Variants in ZFHX3 observed in about 807,000 individuals in gnomAD.
ZFHX3 encodes zinc finger homeobox protein 3.
In ZFHX3, 42 loss-of-function variants were observed where a neutral mutation model predicts 279.1. The ratio of observed to expected loss-of-function variants is 0.15; its 90% confidence interval spans 0.12 to 0.19. The LOEUF is 0.19. Ranked by LOEUF, ZFHX3 falls within the 10% of genes least tolerant of loss-of-function variation. ZFHX3 has a pLI of 1.00. For synonymous variants in ZFHX3, 2,293 were observed against 1,957.8 expected (o/e 1.17, Z -4.52); for missense variants, 4,981 against 4,754.0 (o/e 1.05, Z -1.40).
chr16:73,495,599 G>T (rs2019128168), intron 2 of ZFHX3, among the ~76,000 whole-genome samples: 2 of 152,144 alleles, frequency 1.3e-5, no homozygotes, highest in African/African-American at 4.8e-5. Flanking sequence ...CTTGAAAATG[G>T]CAGTTTTGCC....
chr16:73,421,400 A>C (rs2017716270), intron 3 of ZFHX3: 2 of 152,354 alleles, frequency 1.3e-5, no homozygotes, highest in South Asian at 4.1e-4. Flanking sequence ...TCCCACATTA[A>C]GGTGTGATTT....
At chr16:73,475,526 T>TC (rs1287533812) in intron 2 of ZFHX3, among the ~76,000 whole-genome samples, 1 of 152,168 alleles carries the variant, frequency 6.6e-6, no homozygotes, top group African/African-American at 2.4e-5. Context: ...AATCTTTTTT[T>TC]CATAAAGTTG....
chr16:73,700,741 G>T (rs370016646), intron 1 of ZFHX3, among the ~76,000 whole-genome samples: 10 of 152,240 alleles, frequency 6.6e-5, no homozygotes, highest in African/African-American at 1.9e-4. Flanking sequence ...AGCAATCAAG[G>T]TTCTAGGGAA....
intron 5 of ZFHX3, 66 bp downstream of exon 5, chr16:72,829,713 G>A: frequency 1.3e-6 from 2 of 1,565,644 alleles, no homozygotes; most frequent in South Asian, 1.1e-5. Flanking sequence ...TTCCAGGGAA[G>A]GAAAGATGAG....
chr16:73,352,480 T>TC (rs1228130688), intron 3 of ZFHX3, among the ~76,000 whole-genome samples: 2 of 132,946 alleles, frequency 1.5e-5, no homozygotes, highest in African/African-American at 5.7e-5. Context: ...CTCTCTTTTT[T>TC]TTTTTTTTTT....
At chr16:73,509,221 G>A (rs1434163410) in intron 2 of ZFHX3, among the ~76,000 whole-genome samples, 1 of 152,042 alleles carries the variant, frequency 6.6e-6, no homozygotes, top group Non-Finnish European at 1.5e-5. Context: ...TTTTTAAAAT[G>A]CCCTTTCTCC....
rs1032365277 is a variant in ZFHX3, at chr16:72,786,159, A to T, written c.*1005T>A. On this transcript the variant is annotated 3_prime_UTR_variant, in exon 10 of 10. Coordinates refer to ENST00000268489, the MANE Select transcript of ZFHX3 (RefSeq NM_006885.4). ...TAGGCGAATCAACGGATTGCAATCTATCATCTGCTAGGAATGAACAAGACA... is the reference window on the plus strand; with the variant it reads ...TAGGCGAATCAACGGATTGCAATCTTTCATCTGCTAGGAATGAACAAGACA... The T allele has an allele frequency of 6.6e-6, 1 of 152,302 alleles. No individual in the cohort carries two copies. Among genetic ancestry groups the T allele is most frequent in the African/African-American group, 2.4e-5 (1 of 41,422 alleles). 9.4% of individuals were successfully genotyped at this position (152,302 alleles called of 1,614,324 possible).
intron 4 of ZFHX3, among the ~76,000 whole-genome samples, chr16:73,304,670 T>A (rs112732635): frequency 8.5e-5 from 13 of 152,338 alleles, no homozygotes; most frequent in African/African-American, 2.4e-4. Flanking sequence ...TGCAATTTTA[T>A]GGCCAACATT....
intron 1 of ZFHX3, among the ~76,000 whole-genome samples, chr16:73,734,246 T>C (rs1376543673): frequency 1.3e-5 from 2 of 152,182 alleles, no homozygotes; most frequent in Non-Finnish European, 2.9e-5. Flanking sequence ...CACCAGTCCA[T>C]GGCCCAGGGT....
At chr16:73,155,603 A>G (rs548072073) in intron 5 of ZFHX3, among the ~76,000 whole-genome samples, 7 of 152,274 alleles carry the variant, frequency 4.6e-5, no homozygotes, top group Non-Finnish European at 1.0e-4. Context: ...TGGGTGGATC[A>G]CCTGAGGTCA....
chr16:72,879,609 A>C (rs1379503072), intron 4 of ZFHX3, among the ~76,000 whole-genome samples: 1 of 152,172 alleles, frequency 6.6e-6, no homozygotes, highest in South Asian at 2.1e-4. Context: ...TATTTTTAGT[A>C]GAGGTGGGGT....
intron 3 of ZFHX3, among the ~76,000 whole-genome samples, chr16:72,928,151 G>C (rs1245454822): frequency 1.6e-5 from 1 of 63,242 alleles, no homozygotes; most frequent in Non-Finnish European, 3.2e-5. Context: ...GAGAGAGGGA[G>C]GGGGAGGGGA....
rs74028199 is a variant in ZFHX3, at chr16:72,999,951, C to T, written c.-49-39757G>A. On this transcript the variant is annotated intron_variant, in intron 1 of 9. Coordinates refer to ENST00000268489, the MANE Select transcript of ZFHX3 (RefSeq NM_006885.4). ...GGGGAAAATGGAAACATACAGAAAA[C>T]AGTTCACTTCTGGCTTGTCGCTTTG... Among the ~76,000 whole-genome samples, 950 of 152,296 alleles carry T rather than the reference C, an allele frequency of 6.2e-3. 9 individuals are homozygous for T. The highest frequency in any genetic ancestry group is 0.018 in the African/African-American group (766 of 41,572).
At chr16:73,878,940 G>GATATATATATATATAT (rs3082335) in intron 1 of ZFHX3, among the ~76,000 whole-genome samples, 51 of 141,028 alleles carry the variant, frequency 3.6e-4, no homozygotes, top group African/African-American at 1.3e-3. Flanking sequence ...AAAAAGATAA[G>GATATATATATATATAT]ATATATATAT....
chr16:73,140,557 C>G (rs1966844858), intron 6 of ZFHX3, among the ~76,000 whole-genome samples: 1 of 152,034 alleles, frequency 6.6e-6, no homozygotes, highest in Non-Finnish European at 1.5e-5. Context: ...CCTTTTCATA[C>G]CTGAAACAAA....
intron 3 of ZFHX3, among the ~76,000 whole-genome samples, chr16:73,446,303 T>G (rs1023578451): frequency 1.3e-5 from 2 of 152,160 alleles, no homozygotes; most frequent in African/African-American, 4.8e-5. Flanking sequence ...CTTAATTGAC[T>G]CACAGTTCCT....
At chr16:73,261,348 C>T (rs575932710) in intron 4 of ZFHX3, among the ~76,000 whole-genome samples, 1 of 152,160 alleles carries the variant, frequency 6.6e-6, no homozygotes, top group East Asian at 1.9e-4. Context: ...CATAAAATAT[C>T]TCTGGAAAAA....
rs755308796 is a variant in ZFHX3 at position 73,296,877 on chromosome 16, A to ATGTTTTTTTTTTTTT, written c.-1194+21362_-1194+21363insAAAAAAAAAAAAACA. ...TTTATAATTGCCATGTGAAGCAGGAATTTTTTTTTTTTTTTTTTTGAGACG... is the reference window on the plus strand; with the variant it reads ...TTTATAATTGCCATGTGAAGCAGGAATGTTTTTTTTTTTTTTTTTTTTTTTTTTTTTTTTGAGACG... On this transcript the variant is annotated intron_variant, in intron 4 of 17. Coordinates refer to the ZFHX3 transcript ENST00000641206. Among the ~76,000 whole-genome samples the ATGTTTTTTTTTTTTT allele has an allele frequency of 2.5e-3, 293 of 116,002 alleles. 29 individuals carry two copies. Among genetic ancestry groups the ATGTTTTTTTTTTTTT allele is most frequent in the Middle Eastern group, 0.011 (2 of 188 alleles). 76.1% of individuals were successfully genotyped at this position (116,002 alleles called of 152,430 possible). A position where few individuals can be genotyped will look rare whatever the true frequency, so the allele number is the denominator to read the frequency against.
At chr16:73,724,215 T>G (rs1255352679) in intron 1 of ZFHX3, among the ~76,000 whole-genome samples, 1 of 152,176 alleles carries the variant, frequency 6.6e-6, no homozygotes, top group Non-Finnish European at 1.5e-5. Flanking sequence ...CATAACCAAA[T>G]AAAAGGCTGA....
Sources: allele counts gnomAD v4.1 joint callset (sites outside exome capture counted in the v4.1 genomes callset), GRCh38; gene constraint gnomAD v4.1.1; transcripts MANE v1.5; gene names NCBI Gene and HGNC (gene_info 2026-07-23, HGNC 2026-07-21).